RABGGTB: variants seen among roughly 807,000 people sequenced by gnomAD.
RABGGTB encodes the protein Rab geranylgeranyltransferase subunit beta, also known as geranylgeranyl transferase type-2 subunit beta.
In RABGGTB, 20 loss-of-function variants were observed where a neutral mutation model predicts 44.5. That is an observed-to-expected ratio of 0.45 (90% CI 0.32 to 0.65). The LOEUF (loss-of-function observed/expected upper bound fraction) is 0.65. Ranked by LOEUF, RABGGTB falls within the 30% of genes least tolerant of loss-of-function variation. The pLI is 0.05. For missense variants in RABGGTB, 302 were observed against 398.7 expected (o/e 0.76, Z 2.06); for synonymous variants, 128 against 136.7 (o/e 0.94, Z 0.44).
chr1:75,793,914 A>C, intron 7 of RABGGTB, 170 bp from the exon 8 acceptor site: 1 of 549,412 alleles, frequency 1.8e-6, no homozygotes, highest in Non-Finnish European at 3.0e-6. Flanking sequence ...CATTCTAAGC[A>C]AGTATTTCAT....
In RABGGTB at chr1:75,792,345, C is replaced by G. The variant is rs556749479; in HGVS notation, c.705+39C>G. 3.1e-6 allele frequency: 5 copies of G among 1,597,992 alleles called. No individual in the cohort carries two copies. In the Admixed American group the frequency reaches 8.4e-5, roughly 27 times the overall value. On this transcript the variant is annotated intron_variant, in intron 7 of 8. Coordinates refer to ENST00000319942, the MANE Select transcript of RABGGTB (RefSeq NM_004582.4). ...AGCCATATTCTGCTAGCTTTAGAAC[C>G]TTGAGTGAATGCTGCTGCTTTGTCT...
intron 7 of RABGGTB, chr1:75,793,753 C>G: frequency 4.8e-6 from 1 of 207,298 alleles, no homozygotes; most frequent in Non-Finnish European, 9.5e-6. Context: ...CATGATTATA[C>G]TGCTAGCTTC....
At chr1:75,793,177 A>G (rs1335421235) in intron 7 of RABGGTB, among the ~76,000 whole-genome samples, 2 of 151,740 alleles carry the variant, frequency 1.3e-5, no homozygotes, top group Non-Finnish European at 2.9e-5. Flanking sequence ...TGACTCAAGG[A>G]TTGTAGCTTG....
rs1175443975 is a variant in RABGGTB, at chr1:75,791,549, G to A, written c.557G>A (p.Gly186Asp). 1 of 1,611,942 alleles carries A rather than the reference G, an allele frequency of 6.2e-7. No individual in the cohort carries two copies. Among genetic ancestry groups the A allele is most frequent in the South Asian group, 1.1e-5 (1 of 90,842 alleles). ...NFDGGFGCRP[G>D]SESHAGQIYC... ...GACGGTGGATTTGGTTGCAGACCAG[G>A]TTCTGAATCCCATGCTGGGCAGGTA... Residue 186 changes from glycine (G) to aspartate (D), a missense_variant, in exon 6 of 9, where the codon GGT becomes GAT. Gly to Asp is a moderately conservative substitution (Grantham distance 94). This residue lies in a region of RABGGTB where 213 missense variants were observed against 323.7 expected (regional missense o/e 0.66). Coordinates refer to ENST00000319942, the MANE Select transcript of RABGGTB (RefSeq NM_004582.4).
At chr1:75,794,359 T>A in intron 8 of RABGGTB, 126 bp downstream of exon 8, 2 of 1,325,188 alleles carry the variant, frequency 1.5e-6, no homozygotes, top group Non-Finnish European at 2.1e-6. Context: ...CTATTTATTG[T>A]AGAGTGTATG....
intron 3 of RABGGTB, 121 bp from the exon 4 acceptor site, chr1:75,789,831 T>G: frequency 2.8e-6 from 2 of 703,440 alleles, no homozygotes; most frequent in Admixed American, 2.9e-5. Context: ...TCTGCATATT[T>G]GAGAAAAGGT....
chr1:75,791,637 T>C lies in RABGGTB; in HGVS notation c.579+66T>C, dbSNP rs114824455. ...AAGCCAGTGTAGTAAAATAAGAAAA[T>C]TGGTTATTTCAGTGTTTGTCAAATA... is the stretch of plus-strand genomic sequence containing the variant. On this transcript the variant is annotated intron_variant, in intron 6 of 8. Coordinates refer to ENST00000319942, the MANE Select transcript of RABGGTB (RefSeq NM_004582.4). The C allele has an allele frequency of 3.6e-4, 505 of 1,393,890 alleles. 2 individuals carry two copies. The African/African-American group carries it at 6.7e-3, about 18-fold the overall frequency. The allele number at this position is 1,393,890 out of a possible 1,614,324, so 86.3% of individuals were successfully genotyped here.
intron 2 of RABGGTB, chr1:75,788,174 T>C (rs990136657): frequency 3.6e-6 from 1 of 277,010 alleles, no homozygotes; most frequent in Non-Finnish European, 7.2e-6. Flanking sequence ...TTGAAAATAC[T>C]CTATTAGCAA....
intron 1 of RABGGTB, 93 bp downstream of exon 1, chr1:75,786,367 C>G (rs1649476606): frequency 6.5e-7 from 1 of 1,537,782 alleles, no homozygotes; most frequent in African/African-American, 1.4e-5. Context: ...GATTGGTTTC[C>G]TGGTGCTGGA....
Position 75,794,497 on chromosome 1 carries a change from CTT to C in RABGGTB, c.856-8_856-7del. ...TCATTTTGTGATCTGTATATAAATT[CTT>C]TTTTAAATAGGTGGATCCTTTTCAT... On this transcript the variant is annotated splice_polypyrimidine_tract_variant and intron_variant, in intron 8 of 8. Transcript: ENST00000319942. 1 of 1,603,850 alleles carries C rather than the reference CTT, an allele frequency of 6.2e-7. No individual in the cohort carries two copies. The highest frequency in any genetic ancestry group is 8.5e-7 in the Non-Finnish European group (1 of 1,174,600).
intron 2 of RABGGTB, 177 bp from the exon 3 acceptor site, chr1:75,788,982 C>T (rs977393918): frequency 1.9e-5 from 11 of 593,744 alleles, no homozygotes; most frequent in Non-Finnish European, 3.3e-5. Flanking sequence ...ATAGTTGTGT[C>T]TGAAGATGGC....
At position 75,794,073 on chromosome 1, in the gene RABGGTB, T is replaced by G; in HGVS notation, c.706-11T>G. ...AGAGAATGAAATTGTGGCAACTTTT[T>G]TCCCTCCTAGTTACCAGATGTATGC... On this transcript the variant is annotated splice_polypyrimidine_tract_variant and intron_variant, in intron 7 of 8. Coordinates refer to ENST00000319942, the MANE Select transcript of RABGGTB (RefSeq NM_004582.4). 1 of 1,545,028 alleles carries G rather than the reference T, an allele frequency of 6.5e-7. No homozygotes were observed.
At chr1:75,787,077 A>T (rs761599497) in intron 1 of RABGGTB, 17 of 522,322 alleles carry the variant, frequency 3.3e-5, no homozygotes, top group African/African-American at 3.1e-4. Context: ...TTTTGGGTCA[A>T]TGATGAGTTG....
intron 1 of RABGGTB, 169 bp from the exon 2 acceptor site, chr1:75,787,328 A>G: frequency 1.6e-6 from 1 of 628,870 alleles, no homozygotes; most frequent in Non-Finnish European, 2.8e-6. Flanking sequence ...CCCTGGCTCA[A>G]GCGATCTTCT....
intron 4 of RABGGTB, chr1:75,790,329 C>T (rs1179034271): frequency 3.2e-6 from 4 of 1,233,558 alleles, no homozygotes; most frequent in East Asian, 3.2e-5. Context: ...TTTTTAAAAA[C>T]TACTTGCTGG....
At chr1:75,790,143 T>G (rs746888645) in intron 4 of RABGGTB, 86 bp downstream of exon 4, 1 of 1,568,774 alleles carries the variant, frequency 6.4e-7, no homozygotes, top group Non-Finnish European at 8.6e-7. Context: ...AAGTTTTTCA[T>G]CTTTTCAGGT....
chr1:75,787,543 CTT>C lies in RABGGTB; in HGVS notation c.52_53del (p.Leu18ValfsTer18). The C allele has an allele frequency of 1.2e-6, 2 of 1,614,050 alleles. No individual in the cohort carries two copies. Among genetic ancestry groups the C allele is most frequent in the Non-Finnish European group, 1.7e-6 (2 of 1,179,962 alleles). On this transcript the variant is annotated frameshift_variant, in exon 2 of 9. Transcript: ENST00000319942. LOFTEE classifies it high-confidence loss of function. ...ATTATCAAGTCAGATGCACCGGACA[CTT>C]TGTTATTGGAGAAACATGCAGATTA...
At chr1:75,792,378 TTCTA>T in intron 7 of RABGGTB, 72 bp downstream of exon 7, 1 of 1,570,442 alleles carries the variant, frequency 6.4e-7, no homozygotes, top group East Asian at 2.3e-5. Context: ...TCTTGCCTGT[TTCTA>T]TATTGTAAAT....
intron 7 of RABGGTB, 200 bp from the exon 8 acceptor site, chr1:75,793,884 C>A: frequency 4.0e-6 from 2 of 500,234 alleles, no homozygotes; most frequent in Non-Finnish European, 3.4e-6. Context: ...TCTCTTCTTA[C>A]CCATTAATTG....
Sources: gnomAD v4.1 joint callset for allele counts (sites outside exome capture counted in the v4.1 genomes callset) on GRCh38, gnomAD v4.1.1 for gene constraint, gnomAD v4.1.1 regional missense constraint, MANE v1.5 for transcripts, NCBI Gene and HGNC (gene_info 2026-07-23, HGNC 2026-07-21) for gene names.